Variants in INTS6 observed in about 807,000 individuals in gnomAD.
The protein encoded by INTS6 is integrator complex subunit 6, also known as DEAD box protein.
INTS6 carries 16 observed loss-of-function variants against 104.9 expected under a neutral mutation model. The observed-to-expected ratio is 0.15, with a 90% CI of 0.10 to 0.23. The LOEUF (loss-of-function observed/expected upper bound fraction) is 0.23, where lower values mean the gene tolerates loss of function less well. INTS6 is among the 10% of genes least tolerant of loss of function. The pLI, the probability that INTS6 is intolerant of heterozygous loss-of-function variation, is 1.00. For missense variants in INTS6, 584 were observed against 1,062.8 expected (o/e 0.55, Z 6.26); for synonymous variants, 324 against 358.7 (o/e 0.90, Z 1.09).
chr13:51,369,932 C>T (rs1211655293), intron 15 of INTS6, among the ~76,000 whole-genome samples: 1 of 152,150 alleles, frequency 6.6e-6, no homozygotes, highest in Admixed American at 6.6e-5. Context: ...GCAAGCCTTC[C>T]TCTTAACACC....
At chr13:51,339,792 G>A in the INTS6 span, 2 of 152,234 alleles carry the variant, frequency 1.3e-5, no homozygotes, top group African/African-American at 4.8e-5. Context: ...ATTTGTTCAT[G>A]GGGAGCCCAG....
At chr13:51,348,151 G>T in the INTS6 span, 1 of 1,324,792 alleles carries the variant, frequency 7.5e-7, no homozygotes. Flanking sequence ...CTCAGGGTCC[G>T]ACACTGGTTC....
At position 51,364,332 on chromosome 13, in the gene INTS6, T is replaced by C; in HGVS notation, c.*1420A>G. The C allele has an allele frequency of 9.1e-7, 1 of 1,101,514 alleles. No individual in the cohort carries two copies. The highest frequency in any genetic ancestry group is 1.3e-6 in the Non-Finnish European group (1 of 774,776). The allele number at this position is 1,101,514 out of a possible 1,614,324, so 68.2% of individuals were successfully genotyped here. A position where few individuals can be genotyped will look rare whatever the true frequency, so the allele number is the denominator to read the frequency against. On this transcript the variant is annotated 3_prime_UTR_variant, in exon 18 of 18. Transcript: ENST00000311234. ...TGCTTTTCTTCATAAAGTTATAATT[T>C]CATTTTGCTATACCCTTGAAATTTA...
chr13:51,430,500 A>T, intron 3 of INTS6, 117 bp from the exon 4 acceptor site: 1 of 655,624 alleles, frequency 1.5e-6, no homozygotes, highest in Admixed American at 2.7e-5. Context: ...TTTTACATGT[A>T]GTATGTACCT....
chr13:51,405,496 T>C (rs1956545011), intron 4 of INTS6, among the ~76,000 whole-genome samples: 1 of 152,208 alleles, frequency 6.6e-6, no homozygotes, highest in Admixed American at 6.5e-5. Context: ...CTATCAATTC[T>C]TGGATTTCCC....
At chr13:51,451,406 C>T (rs560787503) in intron 2 of INTS6, 60 of 309,934 alleles carry the variant, frequency 1.9e-4, no homozygotes, top group African/African-American at 1.3e-3. Flanking sequence ...TATAACTTCA[C>T]TGACAAATTT....
chr13:51,360,619 A>G (rs1566197407), downstream of INTS6, among the ~76,000 whole-genome samples: 1 of 152,092 alleles, frequency 6.6e-6, no homozygotes, highest in Non-Finnish European at 1.5e-5. Flanking sequence ...GTTAGCACAT[A>G]GAACATTTAT....
At chr13:51,375,926 A>C in intron 13 of INTS6, 122 bp downstream of exon 13, 1 of 738,524 alleles carries the variant, frequency 1.4e-6, no homozygotes, top group Non-Finnish European at 2.0e-6. Context: ...CATTTGTTTG[A>C]ACTTACAATA....
chr13:51,345,367 G>A, the INTS6 span, among the ~76,000 whole-genome samples: 4 of 152,034 alleles, frequency 2.6e-5, no homozygotes, highest in Admixed American at 2.6e-4. Context: ...TGCCAAGGCG[G>A]GCAGATCACG....
chr13:51,361,449 T>C, downstream of INTS6: 2 of 859,584 alleles, frequency 2.3e-6, no homozygotes, highest in Non-Finnish European at 3.8e-6. Context: ...CACTTCTGAA[T>C]CTTTCCATAA....
intron 3 of INTS6, among the ~76,000 whole-genome samples, chr13:51,354,776 C>G (rs1955454242): frequency 6.6e-6 from 1 of 151,982 alleles, no homozygotes; most frequent in African/African-American, 2.4e-5. Context: ...GAGGAGGTAA[C>G]AACTGAAAAA....
intron 4 of INTS6, among the ~76,000 whole-genome samples, chr13:51,428,810 A>G (rs1383700433): frequency 3.9e-5 from 6 of 152,194 alleles, no homozygotes; most frequent in Admixed American, 3.9e-4. Flanking sequence ...CATGGATTAT[A>G]ATCTACCTAA....
chr13:51,370,989 T>C (rs1426099750), intron 15 of INTS6, among the ~76,000 whole-genome samples: 3 of 152,200 alleles, frequency 2.0e-5, no homozygotes, highest in Admixed American at 6.5e-5. Flanking sequence ...ATCAAGCACA[T>C]CTGCCATGCA....
intron 4 of INTS6, among the ~76,000 whole-genome samples, chr13:51,426,348 C>A (rs1278675615): frequency 6.6e-6 from 1 of 151,972 alleles, no homozygotes; most frequent in Non-Finnish European, 1.5e-5. Context: ...TTTTTCCTGC[C>A]GCTAGGAAAA....
rs557102970 is a variant in INTS6, at chr13:51,412,167, A to G, written c.430-16684T>C. 5.9e-5 allele frequency among the ~76,000 whole-genome samples: 9 copies of G among 152,300 alleles called. No homozygotes were observed. The East Asian group carries it at 1.7e-3, about 29-fold the overall frequency. ...CAAGGGAGGGTGATAGGAACTACAA[A>G]GGGAAATGAGAAAATTTCTTTGGAG... On this transcript the variant is annotated intron_variant, in intron 4 of 17. Coordinates refer to ENST00000311234, the MANE Select transcript of INTS6 (RefSeq NM_012141.3).
At chr13:51,449,631 C>A (rs1272647000) in intron 3 of INTS6, 7 of 985,102 alleles carry the variant, frequency 7.1e-6, no homozygotes, top group Non-Finnish European at 8.4e-6. Flanking sequence ...CAAATAATGG[C>A]AAGTTTTAAA....
chr13:51,376,712 C>T (rs79789954), intron 12 of INTS6, among the ~76,000 whole-genome samples: 11,395 of 152,136 alleles, frequency 0.075, 529 homozygotes, highest in African/African-American at 0.12. Flanking sequence ...AATTTTGCAA[C>T]GTCTAATCTT....
intron 4 of INTS6, among the ~76,000 whole-genome samples, chr13:51,418,201 G>A (rs1956829141): frequency 6.6e-6 from 1 of 152,160 alleles, no homozygotes; most frequent in Admixed American, 6.5e-5. Flanking sequence ...TCTAAGAACA[G>A]TGCCTAGGCA....
chr13:51,423,058 C>A, intron 4 of INTS6: 1 of 1,282,328 alleles, frequency 7.8e-7, no homozygotes. Flanking sequence ...CGTTTTCTAG[C>A]CTTGCTTAAT....
Sources: gnomAD v4.1 joint callset for allele counts (sites outside exome capture counted in the v4.1 genomes callset) on GRCh38, gnomAD v4.1.1 for gene constraint, MANE v1.5 for transcripts, NCBI Gene and HGNC (gene_info 2026-07-23, HGNC 2026-07-21) for gene names.